DOCK3: variants seen among roughly 807,000 people sequenced by gnomAD.
DOCK3 encodes the protein dedicator of cytokinesis 3.
Under a neutral mutation model 265.6 loss-of-function variants are expected in DOCK3, and 60 were observed. That is an observed-to-expected ratio of 0.23 (90% CI 0.18 to 0.28). The LOEUF is 0.28. DOCK3 is among the 10% of genes least tolerant of loss of function. The probability of loss-of-function intolerance (pLI) is 1.00; values close to 1 mark genes in which losing one functional copy is unlikely to be tolerated. For synonymous variants in DOCK3, 881 were observed against 938.0 expected, an observed-to-expected ratio of 0.94 and a Z score of 1.11; for missense variants, 1,981 against 2,594.3, an observed-to-expected ratio of 0.76 and a Z score of 5.14.
At chr3:50,732,280 G>A (rs1057180615) in intron 1 of DOCK3, among the ~76,000 whole-genome samples, 6 of 152,080 alleles carry the variant, frequency 3.9e-5, no homozygotes, top group Admixed American at 6.6e-5. Flanking sequence ...GGCAGGGAGA[G>A]TATTAGGAAA....
intron 2 of DOCK3, among the ~76,000 whole-genome samples, chr3:50,814,774 A>T (rs1474855569): frequency 6.6e-6 from 1 of 151,862 alleles, no homozygotes; most frequent in Non-Finnish European, 1.5e-5. Context: ...TTCTGCTGGG[A>T]TATACTTTCA....
chr3:51,102,976 G>C (rs1371584486), intron 9 of DOCK3, among the ~76,000 whole-genome samples: 1 of 152,090 alleles, frequency 6.6e-6, no homozygotes, highest in Non-Finnish European at 1.5e-5. Context: ...TCTGCCAGTT[G>C]TTTACCTTGA....
intron 19 of DOCK3, among the ~76,000 whole-genome samples, chr3:51,235,694 C>T (rs1301489526): frequency 6.6e-6 from 1 of 152,142 alleles, no homozygotes; most frequent in Non-Finnish European, 1.5e-5. Context: ...TTTTTGAAGG[C>T]TGCAAGTGTC....
chr3:51,137,935 C>T (rs931767117), intron 9 of DOCK3, among the ~76,000 whole-genome samples: 1 of 152,184 alleles, frequency 6.6e-6, no homozygotes, highest in African/African-American at 2.4e-5. Context: ...ATTTGACTCT[C>T]TTGGCCACAG....
chr3:51,187,840 A>G (rs1006054606), intron 12 of DOCK3, among the ~76,000 whole-genome samples: 3 of 143,836 alleles, frequency 2.1e-5, no homozygotes, highest in Non-Finnish European at 4.5e-5. Context: ...AGGCCTCCCC[A>G]GCCACATGAA....
At chr3:51,002,732 C>G (rs1163094328) in intron 5 of DOCK3, among the ~76,000 whole-genome samples, 3 of 152,182 alleles carry the variant, frequency 2.0e-5, no homozygotes, top group African/African-American at 7.2e-5. Flanking sequence ...TCAGACTTAT[C>G]ACCCCTCCTA....
At chr3:50,853,626 T>C (rs142589164) in intron 3 of DOCK3, among the ~76,000 whole-genome samples, 204 of 152,268 alleles carry the variant, frequency 1.3e-3, no homozygotes, top group Non-Finnish European at 2.4e-3. Context: ...TCCATGTTGC[T>C]GCAAAGAACG....
chr3:50,998,559 G>T (rs1203236861), intron 5 of DOCK3, among the ~76,000 whole-genome samples: 1 of 152,114 alleles, frequency 6.6e-6, no homozygotes, highest in Non-Finnish European at 1.5e-5. Flanking sequence ...TATACCCAAG[G>T]CCATGCTCTG....
intron 1 of DOCK3, among the ~76,000 whole-genome samples, chr3:50,772,668 A>G (rs1323446842): frequency 6.6e-6 from 1 of 152,220 alleles, no homozygotes; most frequent in Non-Finnish European, 1.5e-5. Flanking sequence ...TCAAAAAGAA[A>G]TCAAGAAAAC....
chr3:51,315,164 A>C, intron 32 of DOCK3, 36 bp downstream of exon 32: 1 of 1,557,336 alleles, frequency 6.4e-7, no homozygotes, highest in South Asian at 1.2e-5. Flanking sequence ...TATTCTCTGG[A>C]ATGGATCCCT....
At chr3:51,300,940 A>G (rs971729795) in intron 27 of DOCK3, among the ~76,000 whole-genome samples, 9 of 152,096 alleles carry the variant, frequency 5.9e-5, no homozygotes, top group South Asian at 2.1e-4. Context: ...GGAGAAGTCC[A>G]TCCTTTTCAG....
At chr3:51,271,539 A>G (rs1281137643) in intron 24 of DOCK3, among the ~76,000 whole-genome samples, 2 of 152,154 alleles carry the variant, frequency 1.3e-5, no homozygotes, top group Non-Finnish European at 2.9e-5. Context: ...AGAGCCTGCT[A>G]TACCCTCAGG....
intron 3 of DOCK3, among the ~76,000 whole-genome samples, chr3:50,848,354 G>A (rs2046191006): frequency 6.6e-6 from 1 of 152,118 alleles, no homozygotes; most frequent in African/African-American, 2.4e-5. Context: ...TTGTTAGCTG[G>A]CTGCTTTTTA....
At chr3:50,908,203 T>C (rs962982716) in intron 4 of DOCK3, among the ~76,000 whole-genome samples, 2 of 151,192 alleles carry the variant, frequency 1.3e-5, no homozygotes, top group Non-Finnish European at 3.0e-5. Context: ...AGGGCTTTTT[T>C]TTTTTTTCAT....
chr3:51,197,207 G>A (rs1457075294), intron 12 of DOCK3, among the ~76,000 whole-genome samples: 1 of 152,176 alleles, frequency 6.6e-6, no homozygotes, highest in Admixed American at 6.5e-5. Context: ...TTGTGCTGGG[G>A]ACTAGGATGC....
At chr3:50,990,349 C>T (rs970863844) in intron 5 of DOCK3, among the ~76,000 whole-genome samples, 6 of 152,072 alleles carry the variant, frequency 3.9e-5, no homozygotes, top group Non-Finnish European at 4.4e-5. Flanking sequence ...AGACACATCA[C>T]GTAACTGTCA....
chr3:50,872,952 A>G (rs899780098), intron 3 of DOCK3, among the ~76,000 whole-genome samples: 1 of 152,224 alleles, frequency 6.6e-6, no homozygotes, highest in Admixed American at 6.5e-5. Context: ...TCCCTGGTCC[A>G]GGACAGGTCC....
At chr3:51,221,411 T>C (rs755570194) in intron 14 of DOCK3, among the ~76,000 whole-genome samples, 26 of 152,226 alleles carry the variant, frequency 1.7e-4, no homozygotes, top group Non-Finnish European at 3.4e-4. Flanking sequence ...TTTGTACTTC[T>C]TGCCAGTGAA....
intron 9 of DOCK3, among the ~76,000 whole-genome samples, chr3:51,102,514 T>C (rs1423988908): frequency 6.6e-6 from 1 of 152,170 alleles, no homozygotes; most frequent in East Asian, 1.9e-4. Context: ...AAAAACAAAG[T>C]CTGGAGACTC....
Sources: allele counts gnomAD v4.1 joint callset (sites outside exome capture counted in the v4.1 genomes callset), GRCh38; gene constraint gnomAD v4.1.1; transcripts MANE v1.5; gene names NCBI Gene and HGNC (gene_info 2026-07-23, HGNC 2026-07-21).